ZBTB37: variants seen among roughly 807,000 people sequenced by gnomAD.
ZBTB37 encodes zinc finger and BTB domain-containing protein 37.
Under a neutral mutation model 37.7 loss-of-function variants are expected in ZBTB37, and 15 were observed. The observed-to-expected ratio is 0.40, with a 90% CI of 0.27 to 0.61. The LOEUF is 0.61. ZBTB37 is among the 20% of genes least tolerant of loss of function. The pLI, the probability that ZBTB37 is intolerant of heterozygous loss-of-function variation, is 0.44. For synonymous variants in ZBTB37, 231 were observed against 220.6 expected (o/e 1.05, Z -0.42); for missense variants, 514 against 641.9 (o/e 0.80, Z 2.15).
chr1:173,881,897 A>G (rs1656331813), intron 4 of ZBTB37, among the ~76,000 whole-genome samples: 1 of 151,984 alleles, frequency 6.6e-6, no homozygotes, highest in South Asian at 2.1e-4. Flanking sequence ...TACTAAAAAC[A>G]CAAAATATTA....
chr1:173,895,820 C>T (rs773109132), exon 4 of ZBTB37: 6 of 152,136 alleles, frequency 3.9e-5, no homozygotes, highest in Non-Finnish European at 8.8e-5. Flanking sequence ...TATTTAAACT[C>T]GTGCTGTCTT....
At chr1:173,876,762 C>G (rs945633922) in intron 4 of ZBTB37, among the ~76,000 whole-genome samples, 15 of 152,202 alleles carry the variant, frequency 9.9e-5, no homozygotes, top group Middle Eastern at 6.8e-3. Context: ...TATTAGGGCC[C>G]TTTTTCTCCT....
downstream of ZBTB37, chr1:173,888,134 G>A (rs1656700562): frequency 1.3e-5 from 2 of 152,096 alleles, no homozygotes. Flanking sequence ...TGCATCCTCC[G>A]CTTTAGTTAG....
downstream of ZBTB37, chr1:173,890,326 A>G (rs1656793724): frequency 6.6e-6 from 1 of 152,260 alleles, no homozygotes; most frequent in African/African-American, 2.4e-5. Flanking sequence ...GATAATGGAA[A>G]GGAAACTGAA....
At chr1:173,880,435 C>T in intron 4 of ZBTB37, among the ~76,000 whole-genome samples, 1 of 152,116 alleles carries the variant, frequency 6.6e-6, no homozygotes, top group East Asian at 1.9e-4. Flanking sequence ...AAGTCCATGT[C>T]AAGAATCTAG....
chr1:173,872,317 C>T (rs1176492370), intron 3 of ZBTB37, among the ~76,000 whole-genome samples: 1 of 152,044 alleles, frequency 6.6e-6, no homozygotes, highest in Non-Finnish European at 1.5e-5. Flanking sequence ...TCGTGACCCA[C>T]CTGCCTCAGC....
chr1:173,873,418 C>A, intron 3 of ZBTB37, 49 bp from the exon 4 acceptor site: 2 of 1,517,250 alleles, frequency 1.3e-6, no homozygotes, highest in Non-Finnish European at 1.8e-6. Context: ...TTTTCAGGTT[C>A]TTTGATGCTG....
In ZBTB37 at chr1:173,873,241, A is replaced by G. The variant is rs1236615162; in HGVS notation, c.924-226A>G. Among the ~76,000 whole-genome samples, 5 of 152,158 alleles carry G rather than the reference A, an allele frequency of 3.3e-5. No individual in the cohort carries two copies. The East Asian group carries it at 5.8e-4, about 18-fold the overall frequency. ...TATTTAGCTTTAGCTTCACCAGCTC[A>G]TATGTTCTATCTGTTATGTCATTTT... On this transcript the variant is annotated intron_variant, in intron 3 of 4. Transcript: ENST00000427304.
At chr1:173,883,952 A>G (rs1656476943) in intron 4 of ZBTB37, among the ~76,000 whole-genome samples, 1 of 152,186 alleles carries the variant, frequency 6.6e-6, no homozygotes, top group Non-Finnish European at 1.5e-5. Flanking sequence ...TCCAGAGTCA[A>G]CTTTGACATT....
At chr1:173,892,118 G>A (rs1388320736) in exon 4 of ZBTB37, 1 of 152,198 alleles carries the variant, frequency 6.6e-6, no homozygotes, top group Admixed American at 6.5e-5. Context: ...TATAGTAACA[G>A]TAGGTTTTTG....
At chr1:173,887,060 A>G (rs981934831), downstream of ZBTB37, 2 of 152,204 alleles carry the variant, frequency 1.3e-5, no homozygotes, top group African/African-American at 4.8e-5. Flanking sequence ...TTTCACGTTC[A>G]GCAATATTGT....
At chr1:173,886,648 T>G (rs2102751944), downstream of ZBTB37, 1 of 154,536 alleles carries the variant, frequency 6.5e-6, no homozygotes, top group African/African-American at 2.4e-5. Flanking sequence ...AAAAAATGAA[T>G]ACTGGTGGTT....
At chr1:173,901,249 TA>T (rs1226604117) in exon 4 of ZBTB37, 2 of 152,204 alleles carry the variant, frequency 1.3e-5, no homozygotes, top group African/African-American at 4.8e-5. Context: ...TCCCAAACTA[TA>T]GGCAAAAGAA....
chr1:173,883,026 A>C (rs1160255134), intron 4 of ZBTB37, among the ~76,000 whole-genome samples: 1 of 152,224 alleles, frequency 6.6e-6, no homozygotes, highest in Non-Finnish European at 1.5e-5. Context: ...AAACTGAGGA[A>C]TAGAAGTGTT....
exon 4 of ZBTB37, chr1:173,898,116 G>C (rs1192009753): frequency 6.6e-6 from 1 of 151,480 alleles, no homozygotes; most frequent in Admixed American, 6.6e-5. Context: ...TTTTTTTTTG[G>C]GGGGCAGGGG....
chr1:173,886,201 T>G (rs1309729815), exon 5 of ZBTB37: 5 of 1,465,432 alleles, frequency 3.4e-6, no homozygotes, highest in Non-Finnish European at 4.5e-6. Context: ...GGGCTGATAC[T>G]TAGATTCACA....
chr1:173,879,469 A>G (rs1006111565), intron 4 of ZBTB37, among the ~76,000 whole-genome samples: 2 of 152,170 alleles, frequency 1.3e-5, no homozygotes, highest in African/African-American at 4.8e-5. Flanking sequence ...ATCTGGCCCA[A>G]TAGGTAATAG....
At chr1:173,895,285 T>TAG (rs1225330906) in exon 4 of ZBTB37, 1 of 152,162 alleles carries the variant, frequency 6.6e-6, no homozygotes, top group Non-Finnish European at 1.5e-5. Context: ...TGTGTATTTT[T>TAG]AGAGACGGGA....
chr1:173,870,335 A>G, exon 3 of ZBTB37: 4 of 1,614,176 alleles, frequency 2.5e-6, no homozygotes, highest in South Asian at 1.1e-5. Flanking sequence ...ATTGTGGTCA[A>G]TGTGCAAGGA....
Sources: gnomAD v4.1 joint callset for allele counts (sites outside exome capture counted in the v4.1 genomes callset) on GRCh38, gnomAD v4.1.1 for gene constraint, MANE v1.5 for transcripts, NCBI Gene and HGNC (gene_info 2026-07-23, HGNC 2026-07-21) for gene names.